The following ZC3H13 variants were observed in gnomAD, a reference collection of about 807,000 sequenced individuals.
The protein encoded by ZC3H13 is zinc finger CCCH-type containing 13.
A neutral mutation model predicts 204.1 loss-of-function variants in ZC3H13; 64 were observed. The ratio of observed to expected loss-of-function variants is 0.31; its 90% CI spans 0.26 to 0.39. The LOEUF (loss-of-function observed/expected upper bound fraction) is 0.39, where lower values mean the gene tolerates loss of function less well. Among genes scored for constraint, ZC3H13 ranks in the 10% least tolerant of loss-of-function variants. The pLI is 1.00. For synonymous variants in ZC3H13, 667 were observed against 693.7 expected, an observed-to-expected ratio of 0.96 and a Z score of 0.60; for missense variants, 1,833 against 2,082.7, an observed-to-expected ratio of 0.88 and a Z score of 2.33.
chr13:45,988,820 G>A lies in ZC3H13; in HGVS notation c.1222C>T (p.Gln408Ter). 1 of 1,613,824 alleles carries A rather than the reference G, an allele frequency of 6.2e-7. No homozygotes were observed. Among genetic ancestry groups the A allele is most frequent in the Non-Finnish European group, 8.5e-7 (1 of 1,179,730 alleles). Residue 408 changes from glutamine to a stop codon, truncating the protein, a stop_gained, in exon 9 of 19, where the codon CAG (glutamine) becomes TAG (stop). Transcript: ENST00000679008. LOFTEE classifies it high-confidence loss of function. ...KGRHDHERTS[Q>*]SHDRRHERRE... ...CTTTCATGGCGTCGATCATGAGACT[G>A]TGAAGTTCGTTCATGATCATGTCTC... is the stretch of plus-strand genomic sequence containing the variant.
chr13:46,005,923 C>T (rs950087269), intron 7 of ZC3H13, among the ~76,000 whole-genome samples: 42 of 151,966 alleles, frequency 2.8e-4, no homozygotes, highest in African/African-American at 9.2e-4. Flanking sequence ...GGTGAAACCC[C>T]GCCTCTACTA....
At chr13:45,990,195 A>G (rs1224104874) in intron 8 of ZC3H13, among the ~76,000 whole-genome samples, 1 of 152,114 alleles carries the variant, frequency 6.6e-6, no homozygotes, top group Non-Finnish European at 1.5e-5. Flanking sequence ...AACTCACTAG[A>G]TGCCAGTAGC....
At chr13:46,004,144 G>GTGT (rs1238243168) in intron 7 of ZC3H13, among the ~76,000 whole-genome samples, 1 of 151,806 alleles carries the variant, frequency 6.6e-6, no homozygotes, top group Non-Finnish European at 1.5e-5. Flanking sequence ...GTAACTCTGT[G>GTGT]TGTGTGTGTG....
chr13:46,044,172 TAAA>T (rs75412065), intron 3 of ZC3H13, among the ~76,000 whole-genome samples: 2 of 126,902 alleles, frequency 1.6e-5, no homozygotes, highest in Non-Finnish European at 1.7e-5. Context: ...ATCATTCAAC[TAAA>T]AAAAAAAAAA....
At chr13:46,030,826 C>A (rs2042849348) in intron 4 of ZC3H13, among the ~76,000 whole-genome samples, 1 of 152,068 alleles carries the variant, frequency 6.6e-6, no homozygotes, top group Non-Finnish European at 1.5e-5. Flanking sequence ...AAGAGTTATT[C>A]CATGCTCTTG....
At chr13:46,005,490 G>T (rs1366343033) in intron 7 of ZC3H13, among the ~76,000 whole-genome samples, 3 of 151,920 alleles carry the variant, frequency 2.0e-5, no homozygotes, top group Non-Finnish European at 2.9e-5. Flanking sequence ...GCTATTTTTT[G>T]ATTTCTTCTT....
chr13:46,026,536 A>T (rs2042556261), intron 4 of ZC3H13, among the ~76,000 whole-genome samples: 1 of 152,106 alleles, frequency 6.6e-6, no homozygotes, highest in Admixed American at 6.5e-5. Context: ...ATGGGTGGAA[A>T]ATTGAGAAAA....
chr13:46,025,222 A>G (rs922184698), intron 4 of ZC3H13, among the ~76,000 whole-genome samples: 4 of 152,220 alleles, frequency 2.6e-5, no homozygotes, highest in African/African-American at 9.6e-5. Flanking sequence ...GATTTTAAAC[A>G]TTCAATGTTT....
At chr13:45,977,390 C>T (rs980912015) in intron 11 of ZC3H13, among the ~76,000 whole-genome samples, 1 of 152,128 alleles carries the variant, frequency 6.6e-6, no homozygotes, top group Non-Finnish European at 1.5e-5. Context: ...ACTATTCAGA[C>T]ATGCTTTTAT....
At chr13:45,961,986 GTTGT>G (rs1313383039) in intron 17 of ZC3H13, among the ~76,000 whole-genome samples, 5 of 151,950 alleles carry the variant, frequency 3.3e-5, no homozygotes, top group Non-Finnish European at 7.4e-5. Flanking sequence ...TTAAGCTTTA[GTTGT>G]TTCTTTTAAA....
Position 46,010,423 on chromosome 13 carries a change from C to A in ZC3H13, c.671G>T (p.Ser224Ile). The A allele has an allele frequency of 6.2e-7, 1 of 1,613,816 alleles. No individual in the cohort carries two copies. The highest frequency in any genetic ancestry group is 8.5e-7 in the Non-Finnish European group (1 of 1,179,800). The change falls in exon 7 of 19, where the codon AGC becomes ATC. Residue 224 changes from serine (S) to isoleucine (I), a missense_variant. Ser to Ile is a moderately radical substitution (Grantham distance 142). Transcript: ENST00000679008. ...CTTGCTAGCTGAAGACGACTTCGGG[C>A]TTGATTTTCGCTTCGGAGATTTGCT... ...KSSKSPKRKSSPKSSSASKKD... is the reference protein window; with the variant it reads ...KSSKSPKRKSIPKSSSASKKD...
At chr13:45,966,084 A>AT (rs1484936206) in intron 15 of ZC3H13, among the ~76,000 whole-genome samples, 2 of 152,038 alleles carry the variant, frequency 1.3e-5, no homozygotes, top group Non-Finnish European at 2.9e-5. Context: ...TGTATGTTCT[A>AT]TTTTTTTATT....
intron 4 of ZC3H13, among the ~76,000 whole-genome samples, chr13:46,035,330 T>C (rs1251816416): frequency 5.9e-5 from 9 of 152,228 alleles, no homozygotes; most frequent in Admixed American, 5.2e-4. Flanking sequence ...TGCTGTGCCC[T>C]TTCTGAATTC....
chr13:45,991,214 C>T (rs1326244211), intron 8 of ZC3H13, among the ~76,000 whole-genome samples: 1 of 152,118 alleles, frequency 6.6e-6, no homozygotes, highest in South Asian at 2.1e-4. Flanking sequence ...AGAATGTCTA[C>T]AATAGCCTTG....
At chr13:46,030,983 T>C (rs2042863248) in intron 4 of ZC3H13, among the ~76,000 whole-genome samples, 1 of 152,100 alleles carries the variant, frequency 6.6e-6, no homozygotes, top group Admixed American at 6.5e-5. Flanking sequence ...AACACAATAC[T>C]GAAGAACGAA....
Position 45,963,871 on chromosome 13 carries a change from G to T in ZC3H13, c.4646C>A (p.Thr1549Lys). ...GSELFAKVKE[T>K]CQRLLEKPKD... ...GGGTTTTTCTAAAAGTCTCTGACAT[G>T]TTTCTTTGACTTTGGCAAAGAGTTC... The change falls in exon 17 of 19, where the codon ACA becomes AAA. Residue 1549 changes from threonine to lysine, a missense_variant. By Grantham distance (78) the Thr-to-Lys change is moderately conservative. Around this residue, in one of 5 missense-constraint regions of ZC3H13, gnomAD observed 211 missense variants for 228.4 expected, o/e 0.92. Transcript: ENST00000679008. The T allele has an allele frequency of 1.2e-6, 2 of 1,614,084 alleles. No homozygotes were observed. The highest frequency in any genetic ancestry group is 1.7e-6 in the Non-Finnish European group (2 of 1,179,974).
At chr13:46,028,337 C>T (rs989245832) in intron 4 of ZC3H13, among the ~76,000 whole-genome samples, 7 of 151,940 alleles carry the variant, frequency 4.6e-5, no homozygotes, top group East Asian at 1.9e-4. Flanking sequence ...AGGCAAAAAC[C>T]GATAAAATTG....
rs1951195768 is a variant in ZC3H13 at position 45,954,717 on chromosome 13, G to A, written c.*2410C>T. 1.3e-5 allele frequency: 2 copies of A among 152,184 alleles called. No homozygotes were observed. The highest frequency in any genetic ancestry group is 4.1e-4 in the South Asian group (2 of 4,832). 9.4% of individuals were successfully genotyped at this position (152,184 alleles called of 1,614,324 possible). On this transcript the variant is annotated 3_prime_UTR_variant, in exon 19 of 19. Transcript: ENST00000679008. ...ACACAATTGGACAGTGAGGAGCAAAGTGGGAGATTCTACCAATGCCACTTA... is the reference window on the plus strand; with the variant it reads ...ACACAATTGGACAGTGAGGAGCAAAATGGGAGATTCTACCAATGCCACTTA...
In ZC3H13 at chr13:45,956,044, A is replaced by G. The variant is rs1379312882; in HGVS notation, c.*1083T>C. On this transcript the variant is annotated 3_prime_UTR_variant, in exon 19 of 19. Coordinates refer to ENST00000679008, the MANE Select transcript of ZC3H13 (RefSeq NM_001330564.2). ...GCCAGAGTCCATTTCAAATCCTTCT[A>G]AGAGTCCACTTCATGAGTTAAACAT... 2 of 152,136 alleles carry G rather than the reference A, an allele frequency of 1.3e-5. No individual in the cohort carries two copies. Among genetic ancestry groups the G allele is most frequent in the Admixed American group, 1.3e-4 (2 of 15,270 alleles). The allele number at this position is 152,136 out of a possible 1,614,324, so 9.4% of individuals were successfully genotyped here. A position where few individuals can be genotyped will look rare whatever the true frequency, so the allele number is the denominator to read the frequency against.
Sources: gnomAD v4.1 joint callset for allele counts (sites outside exome capture counted in the v4.1 genomes callset) on GRCh38, gnomAD v4.1.1 for gene constraint, gnomAD v4.1.1 regional missense constraint, MANE v1.5 for transcripts, NCBI Gene and HGNC (gene_info 2026-07-23, HGNC 2026-07-21) for gene names.